The following TEX22 variants were observed in gnomAD, a reference collection of about 807,000 sequenced individuals.
The protein encoded by TEX22 is testis-expressed protein 22.
TEX22 carries 16 observed loss-of-function variants against 11.3 expected under a neutral mutation model. The observed-to-expected ratio is 1.42, with a 90% CI of 0.96 to 2.15. TEX22 has a LOEUF of 2.15. Ranked by LOEUF, TEX22 falls within the 30% of genes most tolerant of loss-of-function variation. The pLI is 0.00. For synonymous variants in TEX22, 97 were observed against 92.3 expected (o/e 1.05, Z -0.29); for missense variants, 220 against 208.6 (o/e 1.05, Z -0.34).
Position 105,399,395 on chromosome 14 carries a change from C to T in TEX22, c.55C>T (p.Gln19Ter). 1 of 1,535,834 alleles carries T rather than the reference C, an allele frequency of 6.5e-7. No homozygotes were observed. The highest frequency in any genetic ancestry group is 1.2e-5 in the South Asian group (1 of 84,058). The change falls in exon 2 of 4, where the codon CAA becomes TAA. Residue 19 changes from glutamine (Q) to a stop codon, truncating the protein, a stop_gained. Coordinates refer to ENST00000451127, the MANE Select transcript of TEX22 (RefSeq NM_001195082.2). LOFTEE classifies it high-confidence loss of function. ...GAAGAAGCTGGAGTCGCACCTCTCC[C>T]AAGAGCACAGGCGGCCCCCACTGGG... ...RGKKLESHLS[Q>*]EHRRPPLGLI...
At chr14:105,407,258 G>C (rs1230454887) in intron 2 of TEX22, among the ~76,000 whole-genome samples, 1 of 151,918 alleles carries the variant, frequency 6.6e-6, no homozygotes, top group Admixed American at 6.6e-5. Context: ...AGTAGGCATG[G>C]GGTTTCATCA....
Position 105,411,825 on chromosome 14 carries a change from C to T in TEX22, c.445C>T (p.Pro149Ser). The change falls in exon 4 of 4, where the codon CCT becomes TCT. Residue 149 changes from proline (P) to serine (S), a missense_variant. Pro to Ser is a moderately conservative substitution (Grantham distance 74, BLOSUM62 -1). Coordinates refer to ENST00000451127, the MANE Select transcript of TEX22 (RefSeq NM_001195082.2). ...GACTTTCGAGGCCTCGAGGTCACCC[C>T]CTTCCTAAGAGCCCCATTCAGCCCA... ...NATFEASRSPPS is the reference protein window; with the variant it reads ...NATFEASRSPSS 1.4e-6 allele frequency: 2 copies of T among 1,422,956 alleles called. No individual in the cohort carries two copies. The highest frequency in any genetic ancestry group is 2.8e-5 in the South Asian group (2 of 72,416). The allele number at this position is 1,422,956 out of a possible 1,614,324, so 88.1% of individuals were successfully genotyped here.
chr14:105,401,671 A>G (rs587607074), intron 2 of TEX22, among the ~76,000 whole-genome samples: 1 of 152,194 alleles, frequency 6.6e-6, no homozygotes, highest in South Asian at 2.1e-4. Flanking sequence ...AACATGGCAC[A>G]TGGATACATA....
intron 2 of TEX22, among the ~76,000 whole-genome samples, chr14:105,409,443 T>G (rs1485178880): frequency 6.6e-6 from 1 of 152,154 alleles, no homozygotes. Context: ...TCCATCACCT[T>G]CTAGCTTGCA....
chr14:105,398,933 G>A (rs1166487051), intron 1 of TEX22, among the ~76,000 whole-genome samples: 1 of 152,260 alleles, frequency 6.6e-6, no homozygotes. Flanking sequence ...CCTTCGCCCC[G>A]GGCGTAGCAA....
chr14:105,400,141 G>A (rs2081618870), intron 2 of TEX22, among the ~76,000 whole-genome samples: 1 of 152,232 alleles, frequency 6.6e-6, no homozygotes, highest in African/African-American at 2.4e-5. Context: ...ATGGCTCTAG[G>A]CTGTGGCGAG....
rs868988630 is a variant in TEX22, at chr14:105,412,073, G to A, written c.*240G>A. 1 of 384,152 alleles carries A rather than the reference G, an allele frequency of 2.6e-6. No homozygotes were observed. The allele number at this position is 384,152 out of a possible 1,614,324, so 23.8% of individuals were successfully genotyped here. On this transcript the variant is annotated 3_prime_UTR_variant, in exon 4 of 4. Transcript: ENST00000451127. The surrounding 1 kb of genome is among the most constrained non-coding windows in gnomAD (Gnocchi z 5.8). ...ACACTGCCCCGGGTCAGTCTGAGAG[G>A]GCCCTGGCAAGGCCTGGGTAGCAGG...
rs143495172 is a variant in TEX22, at chr14:105,404,392, C to T, written c.150+4902C>T. ...CACACTCCTCTCTTTCTACAGTATCCGTTTTGGATACACTGGTCATCCTAT... is the reference window on the plus strand; with the variant it reads ...CACACTCCTCTCTTTCTACAGTATCTGTTTTGGATACACTGGTCATCCTAT... On this transcript the variant is annotated intron_variant, in intron 2 of 3. Transcript: ENST00000451127. Among the ~76,000 whole-genome samples, 154 of 152,274 alleles carry T rather than the reference C, an allele frequency of 1.0e-3. 4 individuals carry two copies. The East Asian group carries it at 0.019, about 19-fold the overall frequency.
In TEX22 at chr14:105,399,361, C is replaced by A. The variant is rs781804069; in HGVS notation, c.21C>A (p.Ser7=). 5.2e-6 allele frequency: 8 copies of A among 1,535,698 alleles called. No homozygotes were observed. The South Asian group carries it at 9.5e-5, about 18-fold the overall frequency. The change falls in exon 2 of 4, where the codon TCC becomes TCA. Residue 7 remains serine, a synonymous_variant. Coordinates refer to ENST00000451127, the MANE Select transcript of TEX22 (RefSeq NM_001195082.2). Reference sequence around the variant, plus strand: ...TAGAGATGGACAGCAGGAAACTGTCCCCCCGGGGGAAGAAGCTGGAGTCGC... The same window carrying A: ...TAGAGATGGACAGCAGGAAACTGTCACCCCGGGGGAAGAAGCTGGAGTCGC... The part of the protein sequence containing the change: MDSRKL[S]PRGKKLESHL...
intron 2 of TEX22, among the ~76,000 whole-genome samples, chr14:105,407,876 T>C (rs2081666367): frequency 6.8e-6 from 1 of 146,640 alleles, no homozygotes; most frequent in South Asian, 2.3e-4. Flanking sequence ...GTTATGGGGG[T>C]CTGTCTGCAT....
chr14:105,411,032 G>A (rs190320215), intron 2 of TEX22, among the ~76,000 whole-genome samples: 7 of 152,368 alleles, frequency 4.6e-5, no homozygotes, highest in African/African-American at 1.7e-4. Context: ...CTTTCCTGAG[G>A]CACGCATCAG....
At chr14:105,408,787 G>A (rs1329639954) in intron 2 of TEX22, among the ~76,000 whole-genome samples, 10 of 152,190 alleles carry the variant, frequency 6.6e-5, no homozygotes, top group Admixed American at 1.3e-4. Context: ...GAGACGAAGG[G>A]TGTAGCGCCC....
chr14:105,401,105 G>A (rs1184746593), intron 2 of TEX22, among the ~76,000 whole-genome samples: 1 of 152,244 alleles, frequency 6.6e-6, no homozygotes, highest in Non-Finnish European at 1.5e-5. Flanking sequence ...ATAGCCGTAA[G>A]GATGGGTCCT....
chr14:105,404,885 T>G (rs1038384107), intron 2 of TEX22, among the ~76,000 whole-genome samples: 2 of 152,174 alleles, frequency 1.3e-5, no homozygotes, highest in Non-Finnish European at 2.9e-5. Context: ...AAACTGAAAC[T>G]GACAGTCACT....
chr14:105,399,322 C>G lies in TEX22; in HGVS notation c.-19C>G. On this transcript the variant is annotated 5_prime_UTR_variant, in exon 2 of 4. Transcript: ENST00000451127. ...CCCAGATCTCAGAGGTGTGGACAAG[C>G]AGCCTACTAGGGCTAGAGATGGACA... is the stretch of plus-strand genomic sequence containing the variant. 6.5e-7 allele frequency: 1 copy of G among 1,532,494 alleles called. No homozygotes were observed. The highest frequency in any genetic ancestry group is 8.7e-7 in the Non-Finnish European group (1 of 1,145,136). 94.9% of individuals were successfully genotyped at this position (1,532,494 alleles called of 1,614,324 possible).
At chr14:105,405,796 G>A (rs2081655777) in intron 2 of TEX22, among the ~76,000 whole-genome samples, 1 of 152,206 alleles carries the variant, frequency 6.6e-6, no homozygotes, top group Non-Finnish European at 1.5e-5. Context: ...ATTCATTAAA[G>A]TATAATTTGA....
intron 3 of TEX22, 29 bp downstream of exon 3, chr14:105,411,525 C>CCCTGG: frequency 9.5e-7 from 1 of 1,056,560 alleles, no homozygotes. Flanking sequence ...CTCCCCGCCC[C>CCCTGG]GTCCCCGCCC....
chr14:105,408,570 C>T (rs2081671169), intron 2 of TEX22, among the ~76,000 whole-genome samples: 3 of 152,128 alleles, frequency 2.0e-5, no homozygotes, highest in South Asian at 4.1e-4. Context: ...ATTACAGGTG[C>T]GTGCCACCAT....
intron 2 of TEX22, among the ~76,000 whole-genome samples, chr14:105,405,863 GA>G (rs1293413718): frequency 1.3e-5 from 2 of 152,198 alleles, no homozygotes; most frequent in African/African-American, 2.4e-5. Context: ...AACAATTTTG[GA>G]AAATAAGAGC....
Sources: allele counts gnomAD v4.1 joint callset (sites outside exome capture counted in the v4.1 genomes callset), GRCh38; gene constraint gnomAD v4.1.1; non-coding constraint Gnocchi (gnomAD v3.1); transcripts MANE v1.5; gene names NCBI Gene and HGNC (gene_info 2026-07-23, HGNC 2026-07-21).